The following ANKRD12 variants were observed in gnomAD, a reference collection of about 807,000 sequenced individuals.
ANKRD12 encodes the protein ankyrin repeat domain 12, also known as ankyrin repeat domain-containing protein 12.
In ANKRD12, 85 loss-of-function variants were observed where a neutral mutation model predicts 183.4. The observed-to-expected ratio is 0.46, with a 90% CI of 0.39 to 0.56. The LOEUF is 0.56. Ranked by LOEUF, ANKRD12 falls within the 20% of genes least tolerant of loss-of-function variation. The pLI is 0.00. For synonymous variants in ANKRD12, 914 were observed against 800.2 expected (o/e 1.14, Z -2.40); for missense variants, 2,405 against 2,357.1 (o/e 1.02, Z -0.42).
intron 4 of ANKRD12, among the ~76,000 whole-genome samples, chr18:9,208,095 G>C (rs1427235619): frequency 1.3e-5 from 2 of 152,126 alleles, no homozygotes; most frequent in African/African-American, 4.8e-5. Flanking sequence ...GCGCATTCTT[G>C]GCTTTGACTA....
At position 9,234,220 on chromosome 18, in the gene ANKRD12, C is replaced by T. The variant is rs369790309; in HGVS notation, c.943+12221C>T. ...GGCCTAGACAGGCAGCTCTCTGTTT[C>T]GCTCACCCCAGCCTCCCGTGGTAGC... On this transcript the variant is annotated intron_variant, in intron 8 of 12. Transcript: ENST00000262126. 4.5e-4 allele frequency among the ~76,000 whole-genome samples: 69 copies of T among 152,310 alleles called. 2 individuals carry two copies. In the South Asian group the frequency reaches 8.5e-3, roughly 19 times the overall value.
chr18:9,166,280 C>A (rs2032055593), intron 1 of ANKRD12, among the ~76,000 whole-genome samples: 1 of 152,124 alleles, frequency 6.6e-6, no homozygotes. Flanking sequence ...ATTCTAGATC[C>A]CTGAGGAATC....
chr18:9,171,144 G>A (rs1245008361), intron 1 of ANKRD12, among the ~76,000 whole-genome samples: 5 of 152,122 alleles, frequency 3.3e-5, no homozygotes, highest in African/African-American at 1.2e-4. Flanking sequence ...TAGGCTACTC[G>A]GGGGTCAAGG....
chr18:9,261,878 G>C (rs2038988339), intron 9 of ANKRD12, among the ~76,000 whole-genome samples: 1 of 152,156 alleles, frequency 6.6e-6, no homozygotes, highest in Non-Finnish European at 1.5e-5. Context: ...TCAGACAGTA[G>C]ATATCCGTCC....
intron 1 of ANKRD12, among the ~76,000 whole-genome samples, chr18:9,178,801 A>G (rs1485390048): frequency 1.3e-5 from 2 of 152,270 alleles, no homozygotes; most frequent in Middle Eastern, 3.4e-3. Flanking sequence ...ATCTTTCCAT[A>G]TATTTAGATC....
chr18:9,149,925 A>G (rs986223058), intron 1 of ANKRD12, among the ~76,000 whole-genome samples: 2 of 151,596 alleles, frequency 1.3e-5, no homozygotes, highest in Non-Finnish European at 2.9e-5. Context: ...CCTCCTGAGT[A>G]GCTGGGACTA....
chr18:9,171,869 A>T (rs2032761239), intron 1 of ANKRD12, among the ~76,000 whole-genome samples: 1 of 151,948 alleles, frequency 6.6e-6, no homozygotes, highest in Non-Finnish European at 1.5e-5. Flanking sequence ...AAAATACAAA[A>T]ATCGGCTGGG....
intron 1 of ANKRD12, among the ~76,000 whole-genome samples, chr18:9,174,342 C>T (rs1314585044): frequency 1.3e-5 from 2 of 152,228 alleles, no homozygotes; most frequent in African/African-American, 4.8e-5. Flanking sequence ...CAGCCCTCTT[C>T]CTAGGGGAGG....
At chr18:9,163,600 T>C (rs545996531) in intron 1 of ANKRD12, among the ~76,000 whole-genome samples, 1 of 152,310 alleles carries the variant, frequency 6.6e-6, no homozygotes, top group Non-Finnish European at 1.5e-5. Context: ...GGGAATAGCA[T>C]TGAATCTATA....
chr18:9,271,718 T>C (rs2039613752), intron 10 of ANKRD12, among the ~76,000 whole-genome samples: 1 of 152,184 alleles, frequency 6.6e-6, no homozygotes, highest in Non-Finnish European at 1.5e-5. Flanking sequence ...ATCTGTAATA[T>C]ATTAATAATT....
intron 8 of ANKRD12, among the ~76,000 whole-genome samples, chr18:9,236,632 G>C (rs769757015): frequency 1.7e-4 from 24 of 141,876 alleles, no homozygotes; most frequent in Non-Finnish European, 3.1e-4. Context: ...CTAAGGAATA[G>C]ATCCAGGAGA....
rs759452041 is a variant in ANKRD12 at position 9,255,956 on chromosome 18, A to G, written c.2689A>G (p.Thr897Ala). 1.9e-6 allele frequency: 3 copies of G among 1,580,496 alleles called. No individual in the cohort carries two copies. Among genetic ancestry groups the G allele is most frequent in the Non-Finnish European group, 2.6e-6 (3 of 1,171,290 alleles). ...CAAAAATACTGCTGCTATTAAAAAA[A>G]CTGACGACAGAGAGAAAAGTAGAGA... ...KSKNTAAIKKTDDREKSREKM... is the reference protein window; with the variant it reads ...KSKNTAAIKKADDREKSREKM... Residue 897 changes from threonine to alanine, a missense_variant, in exon 9 of 13, where the codon ACT becomes GCT. Thr to Ala is a moderately conservative substitution (Grantham distance 58, BLOSUM62 0). This residue lies in a region of ANKRD12 where 1,983 missense variants were observed against 1,725.9 expected (regional missense o/e 1.15). Transcript: ENST00000262126.
At chr18:9,250,039 T>C (rs2038195872) in intron 8 of ANKRD12, 1 of 152,204 alleles carries the variant, frequency 6.6e-6, no homozygotes, top group South Asian at 2.1e-4. Flanking sequence ...TAAATGGGGA[T>C]AATAACACCT....
Position 9,278,104 on chromosome 18 carries a change from A to G in ANKRD12, c.5908-1445A>G, listed in dbSNP as rs528676558. ...ATGGGGGAAGAAATTCAGCTTGATG[A>G]GATACCAAAATGTGAGGTGTATTCT... On this transcript the variant is annotated intron_variant, in intron 11 of 12. Coordinates refer to ENST00000262126, the MANE Select transcript of ANKRD12 (RefSeq NM_015208.5). Among the ~76,000 whole-genome samples, 3 of 152,336 alleles carry G rather than the reference A, an allele frequency of 2.0e-5. No homozygotes were observed. In the South Asian group the frequency reaches 6.2e-4, roughly 32 times the overall value.
intron 8 of ANKRD12, among the ~76,000 whole-genome samples, chr18:9,247,250 A>C (rs1171085884): frequency 6.6e-6 from 1 of 151,852 alleles, no homozygotes; most frequent in East Asian, 1.9e-4. Context: ...AGGCAGAGGC[A>C]GGAGGATCGC....
Position 9,281,178 on chromosome 18 carries a change from A to G in ANKRD12, c.*52A>G. On this transcript the variant is annotated 3_prime_UTR_variant, in exon 13 of 13. Coordinates refer to ENST00000262126, the MANE Select transcript of ANKRD12 (RefSeq NM_015208.5). ...CCTAAACTGGTGATGCTCAAGCATTATACTGTGGAATACTGCCTTTTGACA... is the reference window on the plus strand; with the variant it reads ...CCTAAACTGGTGATGCTCAAGCATTGTACTGTGGAATACTGCCTTTTGACA... 1 of 1,413,942 alleles carries G rather than the reference A, an allele frequency of 7.1e-7. No homozygotes were observed. Among genetic ancestry groups the G allele is most frequent in the Non-Finnish European group, 9.6e-7 (1 of 1,039,170 alleles). 87.6% of individuals were successfully genotyped at this position (1,413,942 alleles called of 1,614,324 possible).
At chr18:9,157,540 G>GGTGTGTGTGGGTGT in intron 1 of ANKRD12, among the ~76,000 whole-genome samples, 1 of 124,512 alleles carries the variant, frequency 8.0e-6, no homozygotes, top group Non-Finnish European at 1.6e-5. Flanking sequence ...TAAATTTTAT[G>GGTGTGTGTGGGTGT]GTGTGTGTGG....
intron 10 of ANKRD12, among the ~76,000 whole-genome samples, chr18:9,274,240 A>G (rs1382206502): frequency 6.6e-6 from 1 of 152,234 alleles, no homozygotes; most frequent in African/African-American, 2.4e-5. Context: ...AATAATGTTT[A>G]TGCCAAAGTG....
intron 9 of ANKRD12, among the ~76,000 whole-genome samples, chr18:9,259,170 A>G (rs2038814836): frequency 6.6e-6 from 1 of 152,340 alleles, no homozygotes; most frequent in East Asian, 1.9e-4. Flanking sequence ...CTTCAAATAC[A>G]GGTATAACTA....
Sources: allele counts gnomAD v4.1 joint callset (sites outside exome capture counted in the v4.1 genomes callset), GRCh38; gene constraint gnomAD v4.1.1; regional missense constraint gnomAD v4.1.1; transcripts MANE v1.5; gene names NCBI Gene and HGNC (gene_info 2026-07-23, HGNC 2026-07-21).